The following CCNH variants were observed in gnomAD, a reference collection of about 807,000 sequenced individuals.
CCNH encodes cyclin H, also known as cyclin-H.
Under a neutral mutation model 41.9 loss-of-function variants are expected in CCNH, and 31 were observed. That is an observed-to-expected ratio of 0.74 (90% CI 0.56 to 1.00). The LOEUF (loss-of-function observed/expected upper bound fraction) is 1.00, where lower values mean the gene tolerates loss of function less well. Ranked by LOEUF, CCNH falls within the 50% of genes least tolerant of loss-of-function variation. The pLI is 0.00. For missense variants in CCNH, 362 were observed against 388.4 expected (o/e 0.93, Z 0.57); for synonymous variants, 138 against 136.1 (o/e 1.01, Z -0.10).
In CCNH at chr5:87,408,183, G is replaced by A. The variant is rs557316003; in HGVS notation, c.318C>T (p.Leu106=). 7.8e-6 allele frequency: 12 copies of A among 1,533,626 alleles called. No homozygotes were observed. Among genetic ancestry groups the A allele is most frequent in the East Asian group, 7.1e-5 (3 of 42,022 alleles). The change falls in exon 4 of 9, where the codon CTC becomes CTT. Residue 106 remains leucine (L), a synonymous_variant. Transcript: ENST00000256897. ...VMEYHPRIIM[L]TCAFLACKVD... Reference sequence around the variant, plus strand: ...CTTTGCAGGCCAAAAATGCACAAGTGAGCCTAGAGGAAAAAATAAGGAGGC... The same window carrying A: ...CTTTGCAGGCCAAAAATGCACAAGTAAGCCTAGAGGAAAAAATAAGGAGGC...
chr5:87,332,382 G>A (rs1191008932), intron 9 of CCNH: 3 of 971,506 alleles, frequency 3.1e-6, no homozygotes, highest in Non-Finnish European at 4.6e-6. Flanking sequence ...TGGTATTTTA[G>A]TATAAGGATA....
intron 9 of CCNH, among the ~76,000 whole-genome samples, chr5:87,340,090 T>G (rs899835730): frequency 1.3e-5 from 2 of 152,184 alleles, no homozygotes; most frequent in Admixed American, 1.3e-4. Flanking sequence ...TGTCTGGCAT[T>G]AGTAGGCATT....
chr5:87,315,737 G>A (rs556411956), downstream of CCNH, among the ~76,000 whole-genome samples: 8 of 152,170 alleles, frequency 5.3e-5, no homozygotes, highest in South Asian at 2.1e-4. Context: ...AGCACCTTGC[G>A]AATAATAGTC....
In CCNH at chr5:87,330,930, T is replaced by C. The variant is rs1171126440; in HGVS notation, c.*91-12033A>G. ...TAAAATGGAATAAAACATTTTATAT[T>C]CTCATAGGTTCCATGTGCCTTGTGA... On this transcript the variant is annotated intron_variant and NMD_transcript_variant, in intron 9 of 9. Coordinates refer to the CCNH transcript ENST00000645953. 2.9e-6 allele frequency: 4 copies of C among 1,400,230 alleles called. No homozygotes were observed. In the Admixed American group the frequency reaches 1.2e-4, roughly 43 times the overall value. 86.7% of individuals were successfully genotyped at this position (1,400,230 alleles called of 1,614,324 possible).
chr5:87,324,889 T>C (rs1041395897), intron 9 of CCNH, among the ~76,000 whole-genome samples: 1 of 152,214 alleles, frequency 6.6e-6, no homozygotes, highest in Non-Finnish European at 1.5e-5. Flanking sequence ...TAAAGTCACT[T>C]AGTATGAGAT....
At chr5:87,393,196 G>A (rs1762647087), downstream of CCNH, among the ~76,000 whole-genome samples, 1 of 152,064 alleles carries the variant, frequency 6.6e-6, no homozygotes, top group Admixed American at 6.6e-5. Flanking sequence ...CTACCTTTCT[G>A]GAAAGTACAG....
At chr5:87,391,439 A>ATACTC, downstream of CCNH, 1 of 243,106 alleles carries the variant, frequency 4.1e-6, no homozygotes, top group Middle Eastern at 1.3e-3. Context: ...CTTTTAAAAA[A>ATACTC]TACTCTGCTA....
intron 5 of CCNH, 117 bp downstream of exon 5, chr5:87,404,727 T>C (rs1763658575): frequency 1.3e-6 from 1 of 790,772 alleles, no homozygotes; most frequent in Non-Finnish European, 1.9e-6. Context: ...ATTTCATTTC[T>C]TCTTCTCACC....
chr5:87,374,874 A>G, downstream of CCNH: 1 of 1,609,416 alleles, frequency 6.2e-7, no homozygotes, highest in Non-Finnish European at 8.5e-7. Flanking sequence ...ATTTGAAATA[A>G]CTCTTAGTAA....
chr5:87,408,054 A>T lies in CCNH; in HGVS notation c.447T>A (p.Leu149=), dbSNP rs1349488077. 2.4e-5 allele frequency: 39 copies of T among 1,613,772 alleles called. No homozygotes were observed. In the Admixed American group the frequency reaches 5.8e-4, roughly 24 times the overall value. The part of the protein sequence containing the change: ...ALEQILEYEL[L]LIQQLNFHLI... ...GGTGGAAATTAAGTTGCTGTATAAGAAGTAGTTCATATTCCAGTATCTGTT... is the reference window on the plus strand; with the variant it reads ...GGTGGAAATTAAGTTGCTGTATAAGTAGTAGTTCATATTCCAGTATCTGTT... The change falls in exon 4 of 9, where the codon CTT becomes CTA. Residue 149 remains leucine, a synonymous_variant. Coordinates refer to ENST00000256897, the MANE Select transcript of CCNH (RefSeq NM_001239.4).
intron 9 of CCNH, among the ~76,000 whole-genome samples, chr5:87,338,627 C>T (rs1758206326): frequency 6.7e-6 from 1 of 149,198 alleles, no homozygotes; most frequent in Non-Finnish European, 1.5e-5. Flanking sequence ...CCGCCTTAGC[C>T]TCCCAAAGTA....
chr5:87,373,438 G>GGT (rs1761096455), downstream of CCNH, among the ~76,000 whole-genome samples: 1 of 152,078 alleles, frequency 6.6e-6, no homozygotes, highest in Non-Finnish European at 1.5e-5. Flanking sequence ...AGGACAGAGA[G>GGT]GTGGAGGGTC....
rs1313856738 is a variant in CCNH, at chr5:87,411,215, G to A, written c.240+9C>T. The A allele has an allele frequency of 1.9e-6, 3 of 1,607,294 alleles. No individual in the cohort carries two copies. Among genetic ancestry groups the A allele is most frequent in the African/African-American group, 1.3e-5 (1 of 74,586 alleles). ...AAGGACATTATATTTCATCACCACT[G>A]TAACTTACCACAACAGATCTTGGCA... On this transcript the variant is annotated intron_variant, in intron 2 of 8. Coordinates refer to ENST00000256897, the MANE Select transcript of CCNH (RefSeq NM_001239.4).
rs1762741611 is a variant in CCNH at position 87,394,288 on chromosome 5, T to C, written c.*158A>G. Reference sequence around the variant, plus strand: ...GCTATTCTAGCTCTTTTGAAGATGGTTTATTTTACATAAAGTTACTGTGAA... The same window carrying C: ...GCTATTCTAGCTCTTTTGAAGATGGCTTATTTTACATAAAGTTACTGTGAA... On this transcript the variant is annotated 3_prime_UTR_variant, in exon 9 of 9. Transcript: ENST00000256897. The C allele has an allele frequency of 7.5e-7, 1 of 1,340,932 alleles. No individual in the cohort carries two copies. The highest frequency in any genetic ancestry group is 3.3e-5 in the Admixed American group (1 of 29,976). 83.1% of individuals were successfully genotyped at this position (1,340,932 alleles called of 1,614,324 possible).
At chr5:87,376,104 T>C, downstream of CCNH, 1 of 448,518 alleles carries the variant, frequency 2.2e-6, no homozygotes, top group East Asian at 4.5e-5. Flanking sequence ...TAACAGCACT[T>C]ACCAGTGCTG....
intron 4 of CCNH, 48 bp downstream of exon 4, chr5:87,407,928 G>C: frequency 7.3e-7 from 1 of 1,372,326 alleles, no homozygotes; most frequent in South Asian, 1.2e-5. Flanking sequence ...TTTTGTTAAA[G>C]AATAGGAAAG....
intron 4 of CCNH, among the ~76,000 whole-genome samples, 181 bp downstream of exon 4, chr5:87,407,773 ACAATCTCAGTTAACAATTTCTC>A (rs1763908000): frequency 6.6e-6 from 1 of 152,236 alleles, no homozygotes; most frequent in African/African-American, 2.4e-5. Flanking sequence ...GTCCCACCCA[ACAATCTCAGTTAACAATTTCTC>A]CAGATGACTG....
At chr5:87,341,545 C>T (rs1319023006) in intron 9 of CCNH, among the ~76,000 whole-genome samples, 1 of 151,944 alleles carries the variant, frequency 6.6e-6, no homozygotes, top group Non-Finnish European at 1.5e-5. Flanking sequence ...TTTTTATCAC[C>T]ACACTGAAGA....
At chr5:87,376,678 T>C (rs1761348829) in exon 1 of CCNH, 1 of 1,354,210 alleles carries the variant, frequency 7.4e-7, no homozygotes, top group South Asian at 1.2e-5. Flanking sequence ...AGCACAATGA[T>C]GCCAGAGATT....
Sources: gnomAD v4.1 joint callset for allele counts (sites outside exome capture counted in the v4.1 genomes callset) on GRCh38, gnomAD v4.1.1 for gene constraint, MANE v1.5 for transcripts, NCBI Gene and HGNC (gene_info 2026-07-23, HGNC 2026-07-21) for gene names.